SEMA6A: variants seen among roughly 807,000 people sequenced by gnomAD.
The protein encoded by SEMA6A is semaphorin-6A.
Under a neutral mutation model 96.8 loss-of-function variants are expected in SEMA6A, and 25 were observed. The ratio of observed to expected loss-of-function variants is 0.26; its 90% CI spans 0.19 to 0.36. SEMA6A has a LOEUF of 0.36. Ranked by LOEUF, SEMA6A falls within the 10% of genes least tolerant of loss-of-function variation. The pLI is 1.00. For synonymous variants in SEMA6A, 612 were observed against 518.0 expected (o/e 1.18, Z -2.46); for missense variants, 1,363 against 1,323.1 (o/e 1.03, Z -0.47).
At chr5:116,562,217 T>TTTAATGAATCAATTTAA (rs1308523577) in intron 1 of SEMA6A, among the ~76,000 whole-genome samples, 3 of 152,210 alleles carry the variant, frequency 2.0e-5, no homozygotes, top group Non-Finnish European at 4.4e-5. Context: ...ATTTCAGTAA[T>TTTAATGAATCAATTTAA]TTCTCATTAA....
rs1385838805 is a variant in SEMA6A at position 116,573,142 on chromosome 5, C to A, written c.-39+1043G>T. 2.6e-5 allele frequency among the ~76,000 whole-genome samples: 4 copies of A among 152,182 alleles called. No individual in the cohort carries two copies. In the East Asian group the frequency reaches 7.7e-4, roughly 29 times the overall value. Reference sequence around the variant, plus strand: ...TCGGGACAAGAGACACTTCCCGCCCCAGAAGGATCAGGCAGGGTGGGTGGG... The same window carrying A: ...TCGGGACAAGAGACACTTCCCGCCCAAGAAGGATCAGGCAGGGTGGGTGGG... On this transcript the variant is annotated intron_variant, in intron 1 of 18. Transcript: ENST00000343348.
chr5:116,476,232 G>A (rs1018785304), intron 15 of SEMA6A, among the ~76,000 whole-genome samples: 1 of 152,052 alleles, frequency 6.6e-6, no homozygotes, highest in Admixed American at 6.6e-5. Flanking sequence ...GTCACCATTG[G>A]GCTGTACAAG....
intron 1 of SEMA6A, among the ~76,000 whole-genome samples, chr5:116,531,371 C>CTGTA (rs1362684504): frequency 6.6e-6 from 1 of 152,132 alleles, no homozygotes; most frequent in African/African-American, 2.4e-5. Context: ...ATTGTAGGAC[C>CTGTA]TGTAGTGCAG....
chr5:116,507,612 A>G (rs1758207619), intron 1 of SEMA6A, among the ~76,000 whole-genome samples: 1 of 152,236 alleles, frequency 6.6e-6, no homozygotes, highest in East Asian at 1.9e-4. Flanking sequence ...ACCCACATGT[A>G]GCATATTTAT....
At chr5:116,520,893 C>A (rs1331218751) in intron 1 of SEMA6A, among the ~76,000 whole-genome samples, 1 of 152,098 alleles carries the variant, frequency 6.6e-6, no homozygotes, top group Non-Finnish European at 1.5e-5. Flanking sequence ...AGCAGGAAGC[C>A]ACAGATGGTC....
At chr5:116,565,518 ATTC>A (rs1461080302) in intron 1 of SEMA6A, among the ~76,000 whole-genome samples, 1 of 152,240 alleles carries the variant, frequency 6.6e-6, no homozygotes, top group Non-Finnish European at 1.5e-5. Flanking sequence ...ATTAACAAGT[ATTC>A]TTATAAAAAT....
intron 1 of SEMA6A, among the ~76,000 whole-genome samples, chr5:116,541,344 A>G (rs1008882245): frequency 2.0e-5 from 3 of 152,172 alleles, no homozygotes; most frequent in African/African-American, 7.2e-5. Flanking sequence ...CAAAATTCTT[A>G]TTTATTTTTT....
intron 1 of SEMA6A, among the ~76,000 whole-genome samples, chr5:116,567,910 C>T (rs1203672901): frequency 6.6e-6 from 1 of 152,212 alleles, no homozygotes; most frequent in East Asian, 1.9e-4. Flanking sequence ...AAACTAATTC[C>T]TGGCAGAATG....
chr5:116,495,351 A>G (rs146872221), intron 6 of SEMA6A, 62 bp downstream of exon 6: 1 of 1,234,954 alleles, frequency 8.1e-7, no homozygotes, highest in African/African-American at 1.5e-5. Context: ...CTGCAGGTAC[A>G]ATCACAGTAA....
intron 1 of SEMA6A, chr5:116,554,682 G>T (rs1043209854): frequency 6.6e-6 from 1 of 152,114 alleles, no homozygotes; most frequent in Non-Finnish European, 1.5e-5. Context: ...TTCTTAAAAG[G>T]TTTCAATTAA....
At position 116,446,688 on chromosome 5, in the gene SEMA6A, T is replaced by C; in HGVS notation, c.3018A>G (p.Leu1006=). 5 of 1,573,056 alleles carry C rather than the reference T, an allele frequency of 3.2e-6. No homozygotes were observed. The highest frequency in any genetic ancestry group is 4.3e-6 in the Non-Finnish European group (5 of 1,158,394). ...TRSGLKRTPS[L]KPDVPPKPSF... is the part of the protein sequence containing the mutation. ...ATGGTTTGGGGGGTACGTCCGGCTT[T>C]AGCGAGGGCGTACGCTTCAGCCCCG... is the stretch of plus-strand genomic sequence containing the variant. The change falls in exon 19 of 19, where the codon CTA becomes CTG. Residue 1006 remains leucine, a synonymous_variant. Transcript: ENST00000343348.
Position 116,444,316 on chromosome 5 carries a change from C to T in SEMA6A, c.*2297G>A, listed in dbSNP as rs1395882459. On this transcript the variant is annotated 3_prime_UTR_variant, in exon 19 of 19. Transcript: ENST00000343348. The stretch of plus-strand genomic sequence containing the variant: ...ATGGACTTTTGGAACAAAGGGCTCT[C>T]ACCCACCCTCAGCTAAGTACTCAGG... 1 of 152,070 alleles carries T rather than the reference C, an allele frequency of 6.6e-6. No homozygotes were observed. The allele number at this position is 152,070 out of a possible 1,614,324, so 9.4% of individuals were successfully genotyped here. A position where few individuals can be genotyped will look rare whatever the true frequency, so the allele number is the denominator to read the frequency against.
At chr5:116,564,132 G>T (rs893815749) in intron 1 of SEMA6A, among the ~76,000 whole-genome samples, 1 of 152,184 alleles carries the variant, frequency 6.6e-6, no homozygotes, top group Non-Finnish European at 1.5e-5. Flanking sequence ...GGTAACGGAT[G>T]GGTCAACAAA....
intron 18 of SEMA6A, chr5:116,449,532 T>G: frequency 1.8e-6 from 1 of 549,268 alleles, no homozygotes; most frequent in Non-Finnish European, 3.2e-6. Context: ...CTCATGGGGG[T>G]TTTTCTGCTA....
intron 5 of SEMA6A, 132 bp from the exon 6 acceptor site, chr5:116,495,646 A>G (rs1757559983): frequency 8.1e-6 from 5 of 619,348 alleles, no homozygotes; most frequent in Admixed American, 3.0e-5. Flanking sequence ...TAAAAGTTCA[A>G]GTTCTTCCTG....
intron 1 of SEMA6A, among the ~76,000 whole-genome samples, chr5:116,521,607 C>T (rs1043408449): frequency 5.3e-4 from 81 of 152,132 alleles, no homozygotes; most frequent in African/African-American, 1.8e-3. Context: ...CTTCAATGGC[C>T]AGTTGGGGGA....
chr5:116,518,916 C>G (rs1166993063), intron 1 of SEMA6A, among the ~76,000 whole-genome samples: 1 of 151,974 alleles, frequency 6.6e-6, no homozygotes, highest in Non-Finnish European at 1.5e-5. Context: ...CTTTGAATAA[C>G]TAAAAGACTA....
chr5:116,465,766 C>G (rs1755693759), intron 18 of SEMA6A, among the ~76,000 whole-genome samples: 1 of 152,158 alleles, frequency 6.6e-6, no homozygotes, highest in African/African-American at 2.4e-5. Context: ...ATTACTGCAA[C>G]CAACAGCTAG....
Position 116,482,572 on chromosome 5 carries a change from G to A in SEMA6A, c.966C>T (p.Ile322=), listed in dbSNP as rs898129245. The change falls in exon 11 of 19, where the codon ATC becomes ATT. Residue 322 remains isoleucine (I), a synonymous_variant. Coordinates refer to ENST00000343348, the MANE Select transcript of SEMA6A (RefSeq NM_020796.5). ...LATFSTPYNS[I]PGSAVCAYDM... is the part of the protein sequence containing the mutation. ...CATAGGCACAGACTGCAGACCCAGG[G>A]ATGCTACAACATGATATTTCACATC... 4 of 1,613,416 alleles carry A rather than the reference G, an allele frequency of 2.5e-6. No homozygotes were observed. In the South Asian group the frequency reaches 3.3e-5, roughly 13 times the overall value.
Sources: gnomAD v4.1 joint callset for allele counts (sites outside exome capture counted in the v4.1 genomes callset) on GRCh38, gnomAD v4.1.1 for gene constraint, MANE v1.5 for transcripts, NCBI Gene and HGNC (gene_info 2026-07-23, HGNC 2026-07-21) for gene names.